Variants in OPCML observed in about 807,000 individuals in gnomAD.
OPCML encodes the protein opioid-binding protein/cell adhesion molecule.
A neutral mutation model predicts 37.8 loss-of-function variants in OPCML; 13 were observed. That is an observed-to-expected ratio of 0.34 (90% CI 0.22 to 0.55). OPCML has a LOEUF of 0.55. OPCML is among the 20% of genes least tolerant of loss of function. The pLI is 0.91. For synonymous variants in OPCML, 176 were observed against 168.8 expected (o/e 1.04, Z -0.33); for missense variants, 341 against 435.6 (o/e 0.78, Z 1.93).
chr11:132,904,813 G>A (rs1469007192), intron 2 of OPCML, among the ~76,000 whole-genome samples: 1 of 152,204 alleles, frequency 6.6e-6, no homozygotes. Flanking sequence ...TTAGAGCTGT[G>A]TGTGGAAAAA....
At chr11:132,903,174 T>A (rs1944122711) in intron 2 of OPCML, among the ~76,000 whole-genome samples, 1 of 147,584 alleles carries the variant, frequency 6.8e-6, no homozygotes, top group African/African-American at 2.7e-5. Context: ...TGTTATGGCA[T>A]TTTTTTCCTA....
At chr11:133,077,666 T>C (rs78942492) in intron 1 of OPCML, among the ~76,000 whole-genome samples, 6,999 of 152,238 alleles carry the variant, frequency 0.046, 542 homozygotes, top group African/African-American at 0.16. Context: ...AGTCAACTCA[T>C]TGGGAGAAGA....
chr11:133,214,343 T>A (rs1230040313), intron 1 of OPCML, among the ~76,000 whole-genome samples: 1 of 152,336 alleles, frequency 6.6e-6, no homozygotes, highest in East Asian at 1.9e-4. Flanking sequence ...ATGTGGTATG[T>A]GTGTATCAAC....
At position 133,248,517 on chromosome 11, in the gene OPCML, A is replaced by G. The variant is rs147545117; in HGVS notation, c.61+283747T>C. 1.5e-3 allele frequency among the ~76,000 whole-genome samples: 230 copies of G among 152,346 alleles called. 5 individuals carry two copies. The highest frequency in any genetic ancestry group is 0.01 in the Middle Eastern group (3 of 294). ...TACATAGGAAGCTTGAACAAGCCAT[A>G]ACTTTCTAGTGATATCAGTCTGTGG... On this transcript the variant is annotated intron_variant, in intron 1 of 7. Transcript: ENST00000524381.
At chr11:133,439,412 G>A in intron 1 of OPCML, 3 of 985,116 alleles carry the variant, frequency 3.0e-6, no homozygotes, top group East Asian at 1.1e-4. Context: ...TCAGGGAATA[G>A]GAAATGCTTA....
At chr11:133,019,627 C>A (rs573100245) in intron 1 of OPCML, among the ~76,000 whole-genome samples, 1 of 152,328 alleles carries the variant, frequency 6.6e-6, no homozygotes, top group Admixed American at 6.5e-5. Context: ...ACAGAGAGAT[C>A]TCCCTTCCTA....
At chr11:133,003,861 C>G in intron 1 of OPCML, 1 of 985,410 alleles carries the variant, frequency 1.0e-6, no homozygotes, top group Non-Finnish European at 1.2e-6. Flanking sequence ...TGCCATCCAC[C>G]GTGTGCCCTC....
At chr11:133,262,032 C>A (rs1941511163) in intron 1 of OPCML, among the ~76,000 whole-genome samples, 1 of 152,208 alleles carries the variant, frequency 6.6e-6, no homozygotes, top group Non-Finnish European at 1.5e-5. Context: ...GACTTTACTA[C>A]TCTTGGCCTG....
intron 1 of OPCML, chr11:133,297,840 C>A (rs1386473372): frequency 6.6e-6 from 1 of 152,100 alleles, no homozygotes; most frequent in East Asian, 1.9e-4. Context: ...AGGAGGTCAG[C>A]AAAAAAAGTT....
At chr11:132,782,915 G>GTATATATATA (rs1331827550) in intron 2 of OPCML, among the ~76,000 whole-genome samples, 1 of 85,726 alleles carries the variant, frequency 1.2e-5, no homozygotes, top group Non-Finnish European at 2.4e-5. Flanking sequence ...TATATAGTGT[G>GTATATATATA]TGTATATATA....
intron 2 of OPCML, among the ~76,000 whole-genome samples, chr11:132,766,154 T>A (rs1164886164): frequency 6.6e-6 from 1 of 150,852 alleles, no homozygotes; most frequent in Non-Finnish European, 1.5e-5. Flanking sequence ...CTTACATAAA[T>A]ATGTCAACTA....
At chr11:132,955,343 G>A (rs112646573) in intron 1 of OPCML, among the ~76,000 whole-genome samples, 3 of 152,122 alleles carry the variant, frequency 2.0e-5, no homozygotes, top group African/African-American at 7.2e-5. Context: ...ATTGTTTCAG[G>A]TCAAAACACT....
At chr11:133,477,699 C>A (rs928501334) in intron 1 of OPCML, among the ~76,000 whole-genome samples, 3 of 152,208 alleles carry the variant, frequency 2.0e-5, no homozygotes, top group Admixed American at 2.0e-4. Context: ...ACGGGCCAGG[C>A]ATTCCTTAGT....
intron 1 of OPCML, among the ~76,000 whole-genome samples, chr11:133,246,831 G>A (rs1460920569): frequency 1.3e-5 from 2 of 152,208 alleles, no homozygotes; most frequent in African/African-American, 2.4e-5. Flanking sequence ...TAGTACCAGT[G>A]GGAATGGTCA....
chr11:133,183,532 T>C (rs948883920), intron 1 of OPCML, among the ~76,000 whole-genome samples: 10 of 152,198 alleles, frequency 6.6e-5, no homozygotes, highest in African/African-American at 2.4e-4. Context: ...GTGACATAAG[T>C]ACCATCCCTT....
intron 2 of OPCML, among the ~76,000 whole-genome samples, chr11:132,787,562 A>G (rs964012113): frequency 6.8e-6 from 1 of 147,528 alleles, no homozygotes; most frequent in Non-Finnish European, 1.5e-5. Flanking sequence ...TGCTGATGTT[A>G]AAAAAAAAAG....
At chr11:133,217,383 A>G (rs530261269) in intron 1 of OPCML, among the ~76,000 whole-genome samples, 71 of 152,262 alleles carry the variant, frequency 4.7e-4, no homozygotes, top group African/African-American at 1.6e-3. Flanking sequence ...CAAGGCCTGA[A>G]GGTTTGCATT....
chr11:132,886,153 T>G (rs1943406501), intron 2 of OPCML, among the ~76,000 whole-genome samples: 1 of 152,246 alleles, frequency 6.6e-6, no homozygotes, highest in Admixed American at 6.5e-5. Context: ...TCAATAAAGC[T>G]TTCAAAATTA....
intron 1 of OPCML, among the ~76,000 whole-genome samples, chr11:132,944,020 TGCGCGCTCATCCCGAC>T (rs1945679145): frequency 2.6e-5 from 4 of 151,914 alleles, no homozygotes; most frequent in Admixed American, 2.6e-4. Context: ...CGGCGCGGAC[TGCGCGCTCATCCCGAC>T]GGGCGGGCGC....
Sources: allele counts gnomAD v4.1 joint callset (sites outside exome capture counted in the v4.1 genomes callset), GRCh38; gene constraint gnomAD v4.1.1; transcripts MANE v1.5; gene names NCBI Gene and HGNC (gene_info 2026-07-23, HGNC 2026-07-21).